Variants in MACROD2 observed in about 807,000 individuals in gnomAD.
MACROD2 encodes the protein mono-ADP ribosylhydrolase 2, also known as ADP-ribose glycohydrolase MACROD2.
A neutral mutation model predicts 70.4 loss-of-function variants in MACROD2; 36 were observed. That is an observed-to-expected ratio of 0.51 (90% CI 0.39 to 0.68). The LOEUF (loss-of-function observed/expected upper bound fraction) is 0.68. Among genes scored for constraint, MACROD2 ranks in the 30% least tolerant of loss-of-function variants. MACROD2 has a pLI of 0.00. For missense variants in MACROD2, 496 were observed against 538.4 expected (o/e 0.92, Z 0.78); for synonymous variants, 172 against 178.8 (o/e 0.96, Z 0.30).
rs117099392 is a variant in MACROD2 at position 14,008,495 on chromosome 20, C to T, written c.163+6091C>T. ...AGAGGACACAAACAGAGAAACGTTC[C>T]GTGCTCATAGATAGGAAGAATCAAT... On this transcript the variant is annotated intron_variant, in intron 2 of 17. Coordinates refer to ENST00000684519, the MANE Select transcript of MACROD2 (RefSeq NM_001351661.2). Among the ~76,000 whole-genome samples the T allele has an allele frequency of 4.3e-3, 649 of 152,164 alleles. 1 individual carries two copies. The highest frequency in any genetic ancestry group is 6.2e-3 in the Non-Finnish European group (422 of 67,990).
chr20:15,641,612 G>A (rs183044856), intron 8 of MACROD2, among the ~76,000 whole-genome samples: 3 of 151,912 alleles, frequency 2.0e-5, no homozygotes, highest in East Asian at 1.9e-4. Flanking sequence ...CAGGGGCAGC[G>A]TGCATTTTGG....
chr20:15,762,892 G>A (rs1315240763), intron 8 of MACROD2, among the ~76,000 whole-genome samples: 1 of 152,194 alleles, frequency 6.6e-6, no homozygotes, highest in African/African-American at 2.4e-5. Flanking sequence ...ATGAGTGAGT[G>A]TACGGGCACA....
At chr20:15,779,845 C>T (rs910395032) in intron 8 of MACROD2, among the ~76,000 whole-genome samples, 7 of 152,074 alleles carry the variant, frequency 4.6e-5, no homozygotes, top group Admixed American at 3.3e-4. Context: ...AACTGTTCCA[C>T]GTGGGGCGAA....
chr20:14,685,103 G>A (rs1243906942), intron 5 of MACROD2, 144 bp downstream of exon 5: 2 of 578,032 alleles, frequency 3.5e-6, no homozygotes, highest in Admixed American at 2.9e-5. Flanking sequence ...TAATAAAAAC[G>A]TGCTTTCCAA....
intron 2 of MACROD2, among the ~76,000 whole-genome samples, chr20:14,028,647 C>T (rs1425338488): frequency 1.3e-5 from 2 of 152,118 alleles, no homozygotes; most frequent in African/African-American, 4.8e-5. Flanking sequence ...ATGGCACAGT[C>T]CCTCATGGCT....
At chr20:16,011,552 G>T (rs1342229926) in intron 15 of MACROD2, among the ~76,000 whole-genome samples, 1 of 152,240 alleles carries the variant, frequency 6.6e-6, no homozygotes, top group Non-Finnish European at 1.5e-5. Flanking sequence ...TTTATTAAAG[G>T]AAATGCCTGT....
chr20:15,660,605 A>G (rs892083001), intron 8 of MACROD2, among the ~76,000 whole-genome samples: 1 of 152,130 alleles, frequency 6.6e-6, no homozygotes, highest in Non-Finnish European at 1.5e-5. Context: ...CCTCCCCTGC[A>G]TCAGATCTTA....
At chr20:15,957,942 A>T (rs1186752941) in intron 12 of MACROD2, among the ~76,000 whole-genome samples, 1 of 152,178 alleles carries the variant, frequency 6.6e-6, no homozygotes, top group Non-Finnish European at 1.5e-5. Context: ...GACTAACCCA[A>T]AGTTTTTGCT....
chr20:15,281,764 G>A (rs2077446775), intron 6 of MACROD2, among the ~76,000 whole-genome samples: 1 of 152,126 alleles, frequency 6.6e-6, no homozygotes, highest in African/African-American at 2.4e-5. Flanking sequence ...CTACCATTCT[G>A]GGGTCTGGAG....
At chr20:16,039,515 C>T (rs1372200359) in intron 15 of MACROD2, among the ~76,000 whole-genome samples, 2 of 151,796 alleles carry the variant, frequency 1.3e-5, no homozygotes, top group Admixed American at 6.6e-5. Flanking sequence ...GCTTTTTAAA[C>T]ATTTCTTTTG....
chr20:15,159,162 C>A (rs891244535), intron 5 of MACROD2, among the ~76,000 whole-genome samples: 11 of 152,142 alleles, frequency 7.2e-5, no homozygotes, highest in Non-Finnish European at 2.9e-5. Flanking sequence ...CAAAAAAATT[C>A]TTTTCTAGAA....
chr20:14,835,969 C>T (rs982942884), intron 5 of MACROD2, among the ~76,000 whole-genome samples: 3 of 151,994 alleles, frequency 2.0e-5, no homozygotes, highest in Non-Finnish European at 4.4e-5. Flanking sequence ...ACCTGCCCAG[C>T]AATGAAAGAT....
At chr20:14,475,307 A>G (rs373500208) in intron 3 of MACROD2, among the ~76,000 whole-genome samples, 2 of 146,620 alleles carry the variant, frequency 1.4e-5, no homozygotes, top group Non-Finnish European at 3.0e-5. Context: ...ACATCTTTTT[A>G]TGTTGCCTAT....
chr20:15,365,915 G>A (rs1314407424), intron 6 of MACROD2, among the ~76,000 whole-genome samples: 1 of 152,138 alleles, frequency 6.6e-6, no homozygotes, highest in Non-Finnish European at 1.5e-5. Context: ...ATTCTAAGAT[G>A]AAGGAAAATA....
intron 5 of MACROD2, among the ~76,000 whole-genome samples, chr20:15,059,414 A>G (rs1379664465): frequency 1.3e-5 from 2 of 152,158 alleles, no homozygotes; most frequent in Admixed American, 1.3e-4. Flanking sequence ...AGAAAAAAAA[A>G]GAAAAGAATT....
chr20:15,674,751 G>GT (rs2050032663), intron 8 of MACROD2, among the ~76,000 whole-genome samples: 5 of 126,894 alleles, frequency 3.9e-5, no homozygotes, highest in Admixed American at 8.1e-5. Context: ...ATGTGTGTGT[G>GT]TGTTGTGTGT....
At chr20:14,435,896 G>A (rs1448095404) in intron 3 of MACROD2, among the ~76,000 whole-genome samples, 4 of 151,996 alleles carry the variant, frequency 2.6e-5, no homozygotes, top group African/African-American at 9.7e-5. Flanking sequence ...TGGTAGAAAC[G>A]GGGTTTCCCC....
At chr20:14,504,008 A>G (rs987746492) in intron 4 of MACROD2, among the ~76,000 whole-genome samples, 9 of 152,190 alleles carry the variant, frequency 5.9e-5, no homozygotes, top group Admixed American at 2.0e-4. Context: ...CATGCCCTGG[A>G]TGGTTGGGCA....
At chr20:15,356,081 G>GT (rs896096459) in intron 6 of MACROD2, among the ~76,000 whole-genome samples, 41 of 148,944 alleles carry the variant, frequency 2.8e-4, no homozygotes, top group Admixed American at 1.5e-3. Flanking sequence ...ATCACTCTTG[G>GT]TTTTTTTTTT....
Sources: allele counts gnomAD v4.1 joint callset (sites outside exome capture counted in the v4.1 genomes callset), GRCh38; gene constraint gnomAD v4.1.1; transcripts MANE v1.5; gene names NCBI Gene and HGNC (gene_info 2026-07-23, HGNC 2026-07-21).